IL17REL: variants seen among roughly 807,000 people sequenced by gnomAD.
IL17REL encodes the protein interleukin-17 receptor E-like protein.
A neutral mutation model predicts 49.0 loss-of-function variants in IL17REL; 36 were observed. The observed-to-expected ratio is 0.73, with a 90% CI of 0.56 to 0.97. The LOEUF is 0.97. Ranked by LOEUF, IL17REL falls within the 50% of genes least tolerant of loss-of-function variation. IL17REL has a pLI of 0.00. For synonymous variants in IL17REL, 206 were observed against 192.4 expected, an observed-to-expected ratio of 1.07 and a Z score of -0.58; for missense variants, 470 against 453.9, an observed-to-expected ratio of 1.04 and a Z score of -0.32.
chr22:49,999,224 C>G, intron 7 of IL17REL, 67 bp downstream of exon 9: 1 of 1,573,232 alleles, frequency 6.4e-7, no homozygotes, highest in African/African-American at 1.3e-5. Context: ...CGTCAGTCCT[C>G]ATGGTGGAGT....
intron 10 of IL17REL, 57 bp downstream of exon 12, chr22:49,997,628 G>T: frequency 1.3e-6 from 2 of 1,526,048 alleles, no homozygotes; most frequent in South Asian, 1.1e-5. Flanking sequence ...AGCACAGAGT[G>T]ATATAAAGGA....
intron 9 of IL17REL, 113 bp downstream of exon 11, chr22:49,997,912 C>T (rs557755147): frequency 8.6e-5 from 126 of 1,458,472 alleles, no homozygotes; most frequent in East Asian, 2.4e-4. Flanking sequence ...CTCTGAGGGA[C>T]GCCTGGGAGG....
chr22:49,997,060 G>A lies in IL17REL; in HGVS notation c.989C>T (p.Pro330Leu), dbSNP rs142501812. Residue 330 changes from proline to leucine, a missense_variant, in exon 12 of 13, where the codon CCG becomes CTG. Physicochemically the swap from Pro to Leu is moderately conservative, Grantham distance 98. Coordinates refer to ENST00000341280, the Ensembl canonical transcript of IL17REL. ...GGTCTAGGAAGGCAAAAGCAGGGGCGGCTGCCAGGTCACCCTGGGTGGGGG... is the reference window on the plus strand; with the variant it reads ...GGTCTAGGAAGGCAAAAGCAGGGGCAGCTGCCAGGTCACCCTGGGTGGGGG... 9.5e-5 allele frequency: 148 copies of A among 1,565,978 alleles called. No individual in the cohort carries two copies. In the African/African-American group the frequency reaches 1.6e-3, roughly 17 times the overall value.
exon 2 of IL17REL, chr22:50,001,141 C>T (rs1422176354): frequency 6.8e-6 from 11 of 1,606,976 alleles, no homozygotes; most frequent in Admixed American, 3.4e-5. Flanking sequence ...AGAGGGGACA[C>T]ACTGCATGGC....
chr22:49,992,503 C>A (rs1000618758), downstream of IL17REL, among the ~76,000 whole-genome samples: 1 of 152,258 alleles, frequency 6.6e-6, no homozygotes, highest in African/African-American at 2.4e-5. Context: ...TCATGGCTCA[C>A]TGCAGCCTCA....
intron 2 of IL17REL, 83 bp from the exon 4 acceptor site, chr22:50,000,946 T>C: frequency 2.3e-6 from 3 of 1,301,886 alleles, no homozygotes; most frequent in Non-Finnish European, 3.2e-6. Flanking sequence ...CCTGTTCCTC[T>C]GCCTTCTCTC....
At chr22:50,010,334 C>T (rs1223319087), upstream of IL17REL, among the ~76,000 whole-genome samples, 2 of 152,234 alleles carry the variant, frequency 1.3e-5, no homozygotes, top group Non-Finnish European at 2.9e-5. Flanking sequence ...CGGGCTCACC[C>T]GGGGCAGCCT....
exon 13 of IL17REL, chr22:49,996,072 CT>C (rs2061032365): frequency 6.6e-6 from 1 of 152,510 alleles, no homozygotes; most frequent in Non-Finnish European, 1.5e-5. Context: ...TCTGCGGGTA[CT>C]GCCACGGCCC....
chr22:49,998,477 C>T (rs949889004), intron 7 of IL17REL, among the ~76,000 whole-genome samples, 168 bp from the exon 10 acceptor site: 1 of 152,144 alleles, frequency 6.6e-6, no homozygotes, highest in Non-Finnish European at 1.5e-5. Flanking sequence ...GGTGCATGTG[C>T]ATGTGTGTGG....
At chr22:50,004,430 G>A (rs1435805390) in intron 1 of IL17REL, among the ~76,000 whole-genome samples, 1 of 152,178 alleles carries the variant, frequency 6.6e-6, no homozygotes, top group African/African-American at 2.4e-5. Context: ...AAGCCAGGCT[G>A]TGCTAGGGAG....
At chr22:49,998,556 C>T (rs985103943) in intron 7 of IL17REL, among the ~76,000 whole-genome samples, 1 of 144,962 alleles carries the variant, frequency 6.9e-6, no homozygotes, top group Non-Finnish European at 1.5e-5. Flanking sequence ...TATGGGTGTG[C>T]GTGAGTGTGC....
chr22:50,000,630 G>T (rs1463426853), intron 3 of IL17REL, 38 bp from the exon 5 acceptor site: 1 of 1,581,596 alleles, frequency 6.3e-7, no homozygotes, highest in Admixed American at 1.7e-5. Context: ...GGACTCAGAG[G>T]CACTGCCCAC....
chr22:50,002,733 G>A (rs1053653032), intron 1 of IL17REL, among the ~76,000 whole-genome samples: 1 of 152,018 alleles, frequency 6.6e-6, no homozygotes, highest in African/African-American at 2.4e-5. Context: ...GATCTCAGGT[G>A]ATCCGCCCAC....
chr22:50,010,347 G>GCCACCC (rs2061132691), upstream of IL17REL, among the ~76,000 whole-genome samples: 1 of 152,248 alleles, frequency 6.6e-6, no homozygotes, highest in Non-Finnish European at 1.5e-5. Flanking sequence ...GGCAGCCTCT[G>GCCACCC]GGGAACGGGA....
chr22:50,005,698 G>C (rs1222193355), intron 1 of IL17REL, among the ~76,000 whole-genome samples: 6 of 152,028 alleles, frequency 3.9e-5, no homozygotes, highest in Admixed American at 3.9e-4. Context: ...CCAGCTACTT[G>C]AGAGGCTAAG....
chr22:49,997,516 G>A (rs2061044053), intron 10 of IL17REL, 33 bp from the exon 13 acceptor site: 1 of 1,368,190 alleles, frequency 7.3e-7, no homozygotes, highest in Non-Finnish European at 1.0e-6. Context: ...CCCCCATCCG[G>A]CCCAGCACCC....
chr22:49,994,218 G>A (rs1297348662), downstream of IL17REL, among the ~76,000 whole-genome samples: 1 of 152,002 alleles, frequency 6.6e-6, no homozygotes, highest in East Asian at 1.9e-4. Context: ...AGCTTCTAAA[G>A]CCCCTCACCT....
intron 4 of IL17REL, 78 bp from the exon 7 acceptor site, chr22:50,000,045 G>A (rs1318457556): frequency 7.3e-7 from 1 of 1,367,344 alleles, no homozygotes; most frequent in Admixed American, 3.3e-5. Flanking sequence ...CGAGAGCCCC[G>A]ACGTGGTGGC....
At chr22:49,996,778 C>A in exon 13 of IL17REL, 1 of 493,390 alleles carries the variant, frequency 2.0e-6, no homozygotes, top group East Asian at 3.5e-5. Context: ...CGGCCTCCTG[C>A]GGCCCCTGAG....
Sources: gnomAD v4.1 joint callset for allele counts (sites outside exome capture counted in the v4.1 genomes callset) on GRCh38, gnomAD v4.1.1 for gene constraint, MANE v1.5 for transcripts, NCBI Gene and HGNC (gene_info 2026-07-23, HGNC 2026-07-21) for gene names.